Variants in FHIT observed in about 807,000 individuals in gnomAD.
The protein encoded by FHIT is fragile histidine triad diadenosine triphosphatase, also known as bis(5'-adenosyl)-triphosphatase.
Under a neutral mutation model 17.9 loss-of-function variants are expected in FHIT, and 19 were observed. That is an observed-to-expected ratio of 1.06 (90% CI 0.74 to 1.56). The LOEUF (loss-of-function observed/expected upper bound fraction) is 1.56, where lower values mean the gene tolerates loss of function less well. Ranked by LOEUF, FHIT falls within the 40% of genes most tolerant of loss-of-function variation. FHIT has a pLI of 0.00. For missense variants in FHIT, 248 were observed against 189.2 expected, an observed-to-expected ratio of 1.31 and a Z score of -1.82; for synonymous variants, 81 against 69.7, an observed-to-expected ratio of 1.16 and a Z score of -0.81.
intron 8 of FHIT, among the ~76,000 whole-genome samples, chr3:59,855,550 A>G (rs1438334845): frequency 6.6e-6 from 1 of 152,208 alleles, no homozygotes; most frequent in Non-Finnish European, 1.5e-5. Context: ...ACAACTGAAT[A>G]ATAATGAAAT....
intron 2 of FHIT, among the ~76,000 whole-genome samples, chr3:61,198,647 G>A (rs1470035): frequency 0.43 from 65,051 of 151,798 alleles, 14,308 homozygotes; most frequent in East Asian, 0.59. Flanking sequence ...TGACAACCAA[G>A]GAAGGTAGTT....
At position 60,407,772 on chromosome 3, in the gene FHIT, C is replaced by A. The variant is rs1201430120; in HGVS notation, c.103+129088G>T. 2.0e-5 allele frequency among the ~76,000 whole-genome samples: 3 copies of A among 152,258 alleles called. No individual in the cohort carries two copies. The South Asian group carries it at 6.2e-4, about 32-fold the overall frequency. Reference sequence around the variant, plus strand: ...CCTCAAATGATCTGCCCACCTTGGGCTCCCAAAGTGTTGGGATTACAAATG... The same window carrying A: ...CCTCAAATGATCTGCCCACCTTGGGATCCCAAAGTGTTGGGATTACAAATG... On this transcript the variant is annotated intron_variant, in intron 5 of 9. Transcript: ENST00000492590.
chr3:60,545,607 T>C (rs1344456859), intron 4 of FHIT, among the ~76,000 whole-genome samples: 4 of 152,224 alleles, frequency 2.6e-5, no homozygotes, highest in African/African-American at 7.2e-5. Flanking sequence ...CTATTTAACC[T>C]GAGGGTTATT....
At chr3:61,036,411 T>C (rs925944227) in intron 3 of FHIT, among the ~76,000 whole-genome samples, 1 of 151,978 alleles carries the variant, frequency 6.6e-6, no homozygotes, top group Non-Finnish European at 1.5e-5. Context: ...ATCCAAACTA[T>C]ATCACTAACC....
intron 8 of FHIT, 129 bp downstream of exon 8, chr3:59,922,217 C>T (rs1222591746): frequency 7.2e-6 from 6 of 834,062 alleles, no homozygotes; most frequent in Non-Finnish European, 7.9e-6. Flanking sequence ...TCTATTGCCA[C>T]TTTCCAAGTC....
chr3:60,367,406 A>G (rs1403504650), intron 5 of FHIT, among the ~76,000 whole-genome samples: 1 of 152,194 alleles, frequency 6.6e-6, no homozygotes, highest in African/African-American at 2.4e-5. Context: ...TAGAGAATGC[A>G]CTGTTTTTAT....
intron 8 of FHIT, among the ~76,000 whole-genome samples, chr3:59,833,513 T>C (rs1432491551): frequency 6.6e-6 from 1 of 152,144 alleles, no homozygotes; most frequent in Non-Finnish European, 1.5e-5. Flanking sequence ...AGCATGACCC[T>C]ACCAACACCA....
rs1203400150 is a variant in FHIT at position 60,389,356 on chromosome 3, C to G, written c.103+147504G>C. On this transcript the variant is annotated intron_variant, in intron 5 of 9. Coordinates refer to ENST00000492590, the MANE Select transcript of FHIT (RefSeq NM_002012.4). Reference sequence around the variant, plus strand: ...AGGTAACGGTGCCTTTGAACACTAACTTTCAGAAATAGAAGATAGAAAATG... The same window carrying G: ...AGGTAACGGTGCCTTTGAACACTAAGTTTCAGAAATAGAAGATAGAAAATG... Among the ~76,000 whole-genome samples the G allele has an allele frequency of 2.0e-5, 3 of 152,156 alleles. No homozygotes were observed. In the East Asian group the frequency reaches 5.8e-4, roughly 29 times the overall value.
intron 2 of FHIT, among the ~76,000 whole-genome samples, chr3:61,075,762 G>C (rs181556027): frequency 1.3e-5 from 2 of 152,108 alleles, no homozygotes; most frequent in South Asian, 4.1e-4. Flanking sequence ...CATTAAATAA[G>C]TATTCGTTCA....
At chr3:60,948,720 G>A (rs903064507) in intron 3 of FHIT, among the ~76,000 whole-genome samples, 1 of 152,132 alleles carries the variant, frequency 6.6e-6, no homozygotes, top group African/African-American at 2.4e-5. Flanking sequence ...TAATGAAACA[G>A]CTATAACAAT....
At chr3:59,972,386 C>A (rs769275040) in intron 7 of FHIT, among the ~76,000 whole-genome samples, 9 of 152,072 alleles carry the variant, frequency 5.9e-5, no homozygotes, top group Non-Finnish European at 5.9e-5. Context: ...GGTTCACTAG[C>A]CATCCCCAGA....
At chr3:60,365,310 G>A (rs1470085138) in intron 5 of FHIT, among the ~76,000 whole-genome samples, 1 of 151,858 alleles carries the variant, frequency 6.6e-6, no homozygotes, top group Non-Finnish European at 1.5e-5. Context: ...TGAATGTAAG[G>A]TTACATGTTC....
chr3:61,075,066 T>C (rs1334158178), intron 2 of FHIT, among the ~76,000 whole-genome samples: 1 of 152,208 alleles, frequency 6.6e-6, no homozygotes, highest in Non-Finnish European at 1.5e-5. Context: ...AGCACGGAAT[T>C]GACGGCTAGA....
chr3:60,728,458 T>C (rs1402997357), intron 4 of FHIT, among the ~76,000 whole-genome samples: 1 of 152,190 alleles, frequency 6.6e-6, no homozygotes, highest in Non-Finnish European at 1.5e-5. Flanking sequence ...TTCAAGTTTT[T>C]GCAGGTAAAA....
chr3:59,764,502 C>A (rs1391749160), intron 8 of FHIT, among the ~76,000 whole-genome samples: 4 of 152,158 alleles, frequency 2.6e-5, no homozygotes, highest in Admixed American at 2.6e-4. Flanking sequence ...AGTTACATGC[C>A]CTGTGCAGCC....
intron 8 of FHIT, among the ~76,000 whole-genome samples, chr3:59,827,681 A>C (rs181713688): frequency 6.6e-6 from 1 of 152,240 alleles, no homozygotes; most frequent in Non-Finnish European, 1.5e-5. Flanking sequence ...GTGGGGCAAC[A>C]GTTTAAATTC....
intron 5 of FHIT, among the ~76,000 whole-genome samples, chr3:60,224,166 G>A (rs1217548896): frequency 6.6e-6 from 1 of 152,078 alleles, no homozygotes; most frequent in Non-Finnish European, 1.5e-5. Flanking sequence ...CCTCCCTGTG[G>A]AGGAGTACCG....
intron 5 of FHIT, among the ~76,000 whole-genome samples, chr3:60,084,446 C>T (rs1464332913): frequency 1.3e-5 from 2 of 152,070 alleles, no homozygotes; most frequent in African/African-American, 4.8e-5. Flanking sequence ...GGGCCAGACC[C>T]TACGCTATGT....
At chr3:60,836,933 C>T (rs1269662281) in intron 3 of FHIT, among the ~76,000 whole-genome samples, 1 of 152,134 alleles carries the variant, frequency 6.6e-6, no homozygotes, top group Non-Finnish European at 1.5e-5. Context: ...ATCTTTACTT[C>T]CCCTTTATTC....
Sources: allele counts gnomAD v4.1 joint callset (sites outside exome capture counted in the v4.1 genomes callset), GRCh38; gene constraint gnomAD v4.1.1; transcripts MANE v1.5; gene names NCBI Gene and HGNC (gene_info 2026-07-23, HGNC 2026-07-21).